The following ARHGAP26 variants were observed in gnomAD, a reference collection of about 807,000 sequenced individuals.
The protein encoded by ARHGAP26 is Rho GTPase activating protein 26, also known as rho GTPase-activating protein 26.
A neutral mutation model predicts 104.8 loss-of-function variants in ARHGAP26; 38 were observed. The observed-to-expected ratio is 0.36, with a 90% CI of 0.28 to 0.48. The LOEUF is 0.48. Among genes scored for constraint, ARHGAP26 ranks in the 20% least tolerant of loss-of-function variants. The probability of loss-of-function intolerance (pLI) is 0.99; values close to 1 mark genes in which losing one functional copy is unlikely to be tolerated. For missense variants in ARHGAP26, 704 were observed against 947.9 expected (o/e 0.74, Z 3.38); for synonymous variants, 341 against 340.0 (o/e 1.00, Z -0.03).
At chr5:143,212,760 C>T (rs567424696) in intron 21 of ARHGAP26, among the ~76,000 whole-genome samples, 16 of 152,334 alleles carry the variant, frequency 1.1e-4, no homozygotes, top group African/African-American at 3.8e-4. Context: ...TACCACCCGG[C>T]CCTTTGCAGA....
At chr5:142,955,124 AC>A (rs869285548) in intron 11 of ARHGAP26, among the ~76,000 whole-genome samples, 3 of 149,144 alleles carry the variant, frequency 2.0e-5, no homozygotes, top group South Asian at 2.1e-4. Context: ...ACACACACAC[AC>A]CCCCCATCTC....
At chr5:142,929,450 C>T (rs1764400565) in intron 10 of ARHGAP26, among the ~76,000 whole-genome samples, 1 of 152,082 alleles carries the variant, frequency 6.6e-6, no homozygotes. Context: ...TTAGTAGGGA[C>T]ATAAGGAAGG....
chr5:142,978,934 A>T (rs1402446250), intron 11 of ARHGAP26, among the ~76,000 whole-genome samples: 3 of 152,192 alleles, frequency 2.0e-5, no homozygotes, highest in Admixed American at 6.5e-5. Flanking sequence ...ATATCCTCTG[A>T]TAAAGCAATG....
At chr5:142,781,909 G>T (rs547090051) in intron 1 of ARHGAP26, among the ~76,000 whole-genome samples, 31 of 152,234 alleles carry the variant, frequency 2.0e-4, no homozygotes, top group African/African-American at 5.3e-4. Context: ...TAGAGATGGG[G>T]TTTCACCGTG....
At chr5:142,955,727 G>C (rs1769134008) in intron 11 of ARHGAP26, among the ~76,000 whole-genome samples, 1 of 152,220 alleles carries the variant, frequency 6.6e-6, no homozygotes, top group South Asian at 2.1e-4. Context: ...ATACCAAAAA[G>C]TTATTTAGGC....
chr5:143,191,110 A>G (rs1220117170), intron 20 of ARHGAP26, among the ~76,000 whole-genome samples: 1 of 152,236 alleles, frequency 6.6e-6, no homozygotes, highest in Non-Finnish European at 1.5e-5. Flanking sequence ...AATATGGATG[A>G]TGCTTGCACA....
chr5:142,914,709 G>C (rs576735236), intron 10 of ARHGAP26, among the ~76,000 whole-genome samples: 1 of 152,176 alleles, frequency 6.6e-6, no homozygotes, highest in Non-Finnish European at 1.5e-5. Context: ...GGGGTCGGAG[G>C]ATAGCTTGAA....
chr5:143,091,003 A>C (rs1791344277), intron 17 of ARHGAP26, among the ~76,000 whole-genome samples: 1 of 152,256 alleles, frequency 6.6e-6, no homozygotes, highest in African/African-American at 2.4e-5. Flanking sequence ...TAAATGCAAT[A>C]GTTTGAGGCA....
At chr5:143,044,159 G>C (rs1033259056) in intron 14 of ARHGAP26, among the ~76,000 whole-genome samples, 2 of 152,140 alleles carry the variant, frequency 1.3e-5, no homozygotes, top group Non-Finnish European at 2.9e-5. Context: ...GCACACAAAA[G>C]TGTCAAGAAG....
intron 1 of ARHGAP26, among the ~76,000 whole-genome samples, chr5:142,824,847 A>C (rs554799809): frequency 6.6e-6 from 1 of 152,370 alleles, no homozygotes; most frequent in African/African-American, 2.4e-5. Context: ...CAAAATGTGC[A>C]GGAACTATGT....
At chr5:142,792,717 G>A (rs1425945953) in intron 1 of ARHGAP26, among the ~76,000 whole-genome samples, 1 of 152,168 alleles carries the variant, frequency 6.6e-6, no homozygotes. Context: ...GGAGTCCTTG[G>A]ATGTAGCTGT....
At chr5:143,108,957 C>G (rs1177272606) in intron 17 of ARHGAP26, among the ~76,000 whole-genome samples, 1 of 152,256 alleles carries the variant, frequency 6.6e-6, no homozygotes, top group Non-Finnish European at 1.5e-5. Context: ...TGGCTAAGGG[C>G]CAGTCCCTTA....
At chr5:142,867,321 G>A (rs1334772151) in intron 1 of ARHGAP26, among the ~76,000 whole-genome samples, 1 of 147,224 alleles carries the variant, frequency 6.8e-6, no homozygotes, top group African/African-American at 2.5e-5. Flanking sequence ...GTGTGTGTGT[G>A]TGTGTGTTTT....
At chr5:142,902,205 G>A (rs1760452473) in intron 7 of ARHGAP26, among the ~76,000 whole-genome samples, 166 bp downstream of exon 7, 1 of 152,136 alleles carries the variant, frequency 6.6e-6, no homozygotes, top group Admixed American at 6.5e-5. Flanking sequence ...AGTGCTTGGT[G>A]GTTCTGAGTT....
intron 12 of ARHGAP26, among the ~76,000 whole-genome samples, chr5:143,029,800 A>C (rs1451694892): frequency 6.6e-6 from 1 of 152,090 alleles, no homozygotes; most frequent in East Asian, 1.9e-4. Context: ...TTTCTTTTTA[A>C]TCAAAGGAGA....
chr5:143,122,383 C>CTT (rs990736218), intron 18 of ARHGAP26, among the ~76,000 whole-genome samples: 2 of 152,194 alleles, frequency 1.3e-5, no homozygotes, highest in African/African-American at 4.8e-5. Context: ...ACATGGCATA[C>CTT]TTCTCCCTTC....
Position 142,907,803 on chromosome 5 carries a change from G to T in ARHGAP26, c.932G>T (p.Gly311Val). ...TTTGACCAAAAGTCAGGAGGAAAAGGGGTGAGTTCATTTTTAAAATTTGAT... is the reference window on the plus strand; with the variant it reads ...TTTGACCAAAAGTCAGGAGGAAAAGTGGTGAGTTCATTTTTAAAATTTGAT... ...VPFDQKSGGKGGEDESVILKS... is the reference protein window; with the variant it reads ...VPFDQKSGGKVGEDESVILKS... Residue 311 changes from glycine to valine, a missense_variant and splice_region_variant, in exon 9 of 23, where the codon GGG (glycine) becomes GTG (valine). Gly to Val is a moderately radical substitution (Grantham distance 109). This residue lies in a region of ARHGAP26 where 287 missense variants were observed against 438.8 expected (regional missense o/e 0.65). Coordinates refer to ENST00000645722, the MANE Select transcript of ARHGAP26 (RefSeq NM_001135608.3). 1.2e-6 allele frequency: 2 copies of T among 1,603,080 alleles called. No individual in the cohort carries two copies. The highest frequency in any genetic ancestry group is 1.7e-6 in the Non-Finnish European group (2 of 1,172,320).
At chr5:142,904,452 AG>A (rs1462565927) in intron 8 of ARHGAP26, among the ~76,000 whole-genome samples, 1 of 151,348 alleles carries the variant, frequency 6.6e-6, no homozygotes, top group Non-Finnish European at 1.5e-5. Context: ...CAGGAGGTGG[AG>A]GCTGCAGTGA....
chr5:142,914,083 A>G (rs1279009169), intron 10 of ARHGAP26, among the ~76,000 whole-genome samples: 1 of 152,170 alleles, frequency 6.6e-6, no homozygotes, highest in Non-Finnish European at 1.5e-5. Context: ...TCCTTTTATT[A>G]AAAAAACATT....
Sources: allele counts gnomAD v4.1 joint callset (sites outside exome capture counted in the v4.1 genomes callset), GRCh38; gene constraint gnomAD v4.1.1; regional missense constraint gnomAD v4.1.1; transcripts MANE v1.5; gene names NCBI Gene and HGNC (gene_info 2026-07-23, HGNC 2026-07-21).